The following TMOD3 variants were observed in gnomAD, a reference collection of about 807,000 sequenced individuals.
The protein encoded by TMOD3 is tropomodulin 3.
A neutral mutation model predicts 39.2 loss-of-function variants in TMOD3; 20 were observed. That is an observed-to-expected ratio of 0.51 (90% CI 0.36 to 0.74). TMOD3 has a LOEUF of 0.74. TMOD3 is among the 30% of genes least tolerant of loss of function. The pLI is 0.00. For missense variants in TMOD3, 381 were observed against 412.8 expected (o/e 0.92, Z 0.67); for synonymous variants, 143 against 145.8 (o/e 0.98, Z 0.14).
intron 3 of TMOD3, among the ~76,000 whole-genome samples, chr15:51,881,062 T>G (rs2056530731): frequency 6.6e-6 from 1 of 152,334 alleles, no homozygotes; most frequent in Middle Eastern, 3.4e-3. Context: ...TAATAACTAA[T>G]GATACTGAGT....
At chr15:51,886,129 C>T (rs909279062) in intron 3 of TMOD3, among the ~76,000 whole-genome samples, 1 of 151,412 alleles carries the variant, frequency 6.6e-6, no homozygotes, top group Non-Finnish European at 1.5e-5. Context: ...CAGAGACGCT[C>T]CTCAGTTCCC....
At chr15:51,873,525 T>G (rs1223801065) in intron 3 of TMOD3, among the ~76,000 whole-genome samples, 5 of 152,196 alleles carry the variant, frequency 3.3e-5, no homozygotes, top group Admixed American at 6.5e-5. Flanking sequence ...TCTAAATGAT[T>G]TTTTCATTCA....
chr15:51,842,220 A>T (rs1415796411), intron 1 of TMOD3, among the ~76,000 whole-genome samples: 1 of 152,068 alleles, frequency 6.6e-6, no homozygotes, highest in Non-Finnish European at 1.5e-5. Flanking sequence ...GCTATCTTGA[A>T]ACTGCCAATT....
rs200980948 is a variant in TMOD3, at chr15:51,869,322, T to C, written c.232T>C (p.Leu78=). ...HLLSYLEKEA[L]EHKDREDYVP... is the part of the protein sequence containing the mutation. ...CCTTTCATATCTGGAGAAAGAAGCA[T>C]TGGAGCATAAAGACAGGGAAGACTA... The change falls in exon 3 of 10, where the codon TTG becomes CTG. Residue 78 remains leucine, a synonymous_variant. Transcript: ENST00000308580. 12 of 1,613,988 alleles carry C rather than the reference T, an allele frequency of 7.4e-6. No individual in the cohort carries two copies. Among genetic ancestry groups the C allele is most frequent in the Middle Eastern group, 1.6e-4 (1 of 6,062 alleles).
At chr15:51,904,720 A>AG (rs2056669457) in intron 9 of TMOD3, among the ~76,000 whole-genome samples, 1 of 152,194 alleles carries the variant, frequency 6.6e-6, no homozygotes, top group Non-Finnish European at 1.5e-5. Flanking sequence ...GCATTTCTGT[A>AG]AGAAAAGAAA....
intron 3 of TMOD3, among the ~76,000 whole-genome samples, chr15:51,875,702 A>G (rs2554343): frequency 0.88 from 132,091 of 150,326 alleles, 58,322 homozygotes; most frequent in East Asian, 1. Flanking sequence ...TGCAAGTTCC[A>G]CCTCCTGGGT....
intron 1 of TMOD3, among the ~76,000 whole-genome samples, chr15:51,857,772 A>G (rs1240953441): frequency 6.6e-6 from 1 of 152,228 alleles, no homozygotes; most frequent in Non-Finnish European, 1.5e-5. Context: ...CATTAAAAAA[A>G]AAGCATGAAT....
intron 2 of TMOD3, 21 bp from the exon 3 acceptor site, chr15:51,869,196 C>T: frequency 2.5e-6 from 4 of 1,608,332 alleles, no homozygotes; most frequent in Non-Finnish European, 3.4e-6. Context: ...GTCATATTGG[C>T]TGATTCATTC....
intron 3 of TMOD3, among the ~76,000 whole-genome samples, chr15:51,872,121 C>T (rs773645984): frequency 1.3e-5 from 2 of 152,128 alleles, no homozygotes; most frequent in African/African-American, 2.4e-5. Context: ...CAGCCGGACG[C>T]GGTAGCTCAA....
chr15:51,854,242 CATT>C (rs2056377308), intron 1 of TMOD3, among the ~76,000 whole-genome samples: 1 of 152,200 alleles, frequency 6.6e-6, no homozygotes, highest in Non-Finnish European at 1.5e-5. Context: ...TCAGCTCTGT[CATT>C]GTAGCACAAA....
chr15:51,887,621 C>G lies in TMOD3; in HGVS notation c.316C>G (p.Gln106Glu). ...ATTTATCCCCAAACAGAAACCTGTA[C>G]AGACTTTTACAGAAGAAAAAGTGTC... Reference protein sequence around the residue: ...KIFIPKQKPVQTFTEEKVSLD... With the variant: ...KIFIPKQKPVETFTEEKVSLD... The change falls in exon 4 of 10, where the codon CAG becomes GAG. Residue 106 changes from glutamine (Q) to glutamate (E), a missense_variant. By Grantham distance (29) the Gln-to-Glu change is conservative. Transcript: ENST00000308580. The G allele has an allele frequency of 6.2e-7, 1 of 1,613,696 alleles. No homozygotes were observed. The highest frequency in any genetic ancestry group is 8.5e-7 in the Non-Finnish European group (1 of 1,179,814).
intron 6 of TMOD3, among the ~76,000 whole-genome samples, chr15:51,894,667 C>A (rs2056612074): frequency 6.6e-6 from 1 of 152,162 alleles, no homozygotes; most frequent in Non-Finnish European, 1.5e-5. Context: ...AAATTGAATC[C>A]TATAGTATGT....
intron 1 of TMOD3, among the ~76,000 whole-genome samples, chr15:51,840,175 G>A (rs756726248): frequency 7.9e-5 from 12 of 152,132 alleles, no homozygotes; most frequent in Non-Finnish European, 1.6e-4. Context: ...ATAGAAGTGT[G>A]GGCAAAGTGG....
chr15:51,883,400 A>G (rs1282178508), intron 3 of TMOD3, among the ~76,000 whole-genome samples: 1 of 152,234 alleles, frequency 6.6e-6, no homozygotes, highest in East Asian at 1.9e-4. Context: ...ATGATGCTTT[A>G]GATTCCATCG....
intron 1 of TMOD3, among the ~76,000 whole-genome samples, chr15:51,834,373 G>T (rs1328847433): frequency 1.3e-5 from 2 of 152,128 alleles, no homozygotes; most frequent in African/African-American, 4.8e-5. Context: ...GGATTGCAAA[G>T]AAAGCTTTTT....
intron 7 of TMOD3, among the ~76,000 whole-genome samples, chr15:51,898,105 A>T (rs190185038): frequency 6.6e-6 from 1 of 152,326 alleles, no homozygotes; most frequent in Admixed American, 6.5e-5. Context: ...TCTCATTAAG[A>T]GTAAAAATAA....
chr15:51,877,892 G>GT (rs918051724), intron 3 of TMOD3, among the ~76,000 whole-genome samples: 59 of 147,874 alleles, frequency 4.0e-4, no homozygotes, highest in African/African-American at 5.7e-4. Context: ...GCTTTCAGAA[G>GT]TTTTTTTTTT....
chr15:51,875,769 C>T (rs933425858), intron 3 of TMOD3, among the ~76,000 whole-genome samples: 1 of 152,064 alleles, frequency 6.6e-6, no homozygotes, highest in Non-Finnish European at 1.5e-5. Context: ...GCAGCCGCCA[C>T]CATGCCCAGC....
chr15:51,907,020 CAAAA>C (rs11419380), intron 9 of TMOD3, among the ~76,000 whole-genome samples: 1 of 116,026 alleles, frequency 8.6e-6, no homozygotes. Flanking sequence ...AACTCCGTCT[CAAAA>C]AAAAAAAAAA....
Sources: gnomAD v4.1 joint callset for allele counts (sites outside exome capture counted in the v4.1 genomes callset) on GRCh38, gnomAD v4.1.1 for gene constraint, MANE v1.5 for transcripts, NCBI Gene and HGNC (gene_info 2026-07-23, HGNC 2026-07-21) for gene names.